The following MAGI1 variants were observed in gnomAD, a reference collection of about 807,000 sequenced individuals.
MAGI1 encodes the protein membrane associated guanylate kinase, WW and PDZ domain containing 1.
MAGI1 carries 58 observed loss-of-function variants against 139.9 expected under a neutral mutation model. The observed-to-expected ratio is 0.41, with a 90% CI of 0.34 to 0.52. The LOEUF (loss-of-function observed/expected upper bound fraction) is 0.52, where lower values mean the gene tolerates loss of function less well. Ranked by LOEUF, MAGI1 falls within the 20% of genes least tolerant of loss-of-function variation. MAGI1 has a pLI of 0.12. For missense variants in MAGI1, 1,874 were observed against 1,901.6 expected, an observed-to-expected ratio of 0.99 and a Z score of 0.27; for synonymous variants, 812 against 737.9, an observed-to-expected ratio of 1.10 and a Z score of -1.63.
At chr3:66,024,967 C>CT (rs2068168980) in intron 1 of MAGI1, among the ~76,000 whole-genome samples, 1 of 152,102 alleles carries the variant, frequency 6.6e-6, no homozygotes, top group African/African-American at 2.4e-5. Flanking sequence ...AATATATTCT[C>CT]TGGGGGGGTA....
chr3:65,691,312 A>AAAAAAAAAG (rs1376525361), intron 1 of MAGI1, among the ~76,000 whole-genome samples: 3 of 148,724 alleles, frequency 2.0e-5, no homozygotes, highest in African/African-American at 7.7e-5. Flanking sequence ...CAAAAAAAAA[A>AAAAAAAAAG]AAAGAAAAGA....
At chr3:65,866,180 C>G (rs2059717783) in intron 1 of MAGI1, among the ~76,000 whole-genome samples, 1 of 150,322 alleles carries the variant, frequency 6.7e-6, no homozygotes, top group Admixed American at 6.7e-5. Flanking sequence ...ATAACTGTGG[C>G]TGGGGGAATT....
chr3:65,629,638 T>G (rs2084172464), intron 1 of MAGI1, among the ~76,000 whole-genome samples: 1 of 152,014 alleles, frequency 6.6e-6, no homozygotes, highest in South Asian at 2.1e-4. Context: ...AATTATAAAT[T>G]GAAAAACAAA....
At chr3:65,737,370 T>C (rs1236338544) in intron 1 of MAGI1, among the ~76,000 whole-genome samples, 1 of 152,168 alleles carries the variant, frequency 6.6e-6, no homozygotes. Flanking sequence ...GATGGACAGA[T>C]GGATGGATGA....
In MAGI1 at chr3:65,478,844, TG is replaced by T. The variant is rs746317045; in HGVS notation, c.551-47del. On this transcript the variant is annotated intron_variant, in intron 3 of 22. Coordinates refer to ENST00000402939, the MANE Select transcript of MAGI1 (RefSeq NM_001033057.2). ...TTTGCATGTTTCAAAAGGAATACTT[TG>T]TGTTTTTTTTTAAGACTTCACATCC... The T allele has an allele frequency of 6.8e-6, 10 of 1,467,764 alleles. No individual in the cohort carries two copies. In the Admixed American group the frequency reaches 1.7e-4, roughly 26 times the overall value. The allele number at this position is 1,467,764 out of a possible 1,614,324, so 90.9% of individuals were successfully genotyped here. A position where few individuals can be genotyped will look rare whatever the true frequency, so the allele number is the denominator to read the frequency against.
At chr3:65,796,763 G>C (rs1419376792) in intron 1 of MAGI1, among the ~76,000 whole-genome samples, 1 of 152,160 alleles carries the variant, frequency 6.6e-6, no homozygotes, top group African/African-American at 2.4e-5. Flanking sequence ...TGGCATTGCA[G>C]ACCATATGCT....
At chr3:65,995,131 G>A (rs571180129) in intron 1 of MAGI1, among the ~76,000 whole-genome samples, 4 of 152,112 alleles carry the variant, frequency 2.6e-5, no homozygotes, top group Admixed American at 6.6e-5. Context: ...CATACTGCAG[G>A]CTCTAGAAAA....
chr3:65,526,635 C>T (rs1443851939), intron 2 of MAGI1, among the ~76,000 whole-genome samples: 1 of 152,186 alleles, frequency 6.6e-6, no homozygotes, highest in Non-Finnish European at 1.5e-5. Flanking sequence ...AAGCCCAATT[C>T]TCTCCTCACA....
intron 1 of MAGI1, among the ~76,000 whole-genome samples, chr3:65,737,588 G>T (rs2034879901): frequency 6.6e-6 from 1 of 152,180 alleles, no homozygotes; most frequent in Non-Finnish European, 1.5e-5. Context: ...AGCATGGCAG[G>T]TGGTAGCTCA....
chr3:65,930,426 G>A (rs1056338440), intron 1 of MAGI1, among the ~76,000 whole-genome samples: 5 of 150,620 alleles, frequency 3.3e-5, no homozygotes, highest in African/African-American at 9.8e-5. Flanking sequence ...AGATGGAGAC[G>A]TATTTATCAA....
intron 1 of MAGI1, among the ~76,000 whole-genome samples, chr3:65,663,321 C>T (rs73127894): frequency 0.18 from 27,294 of 152,010 alleles, 3,534 homozygotes; most frequent in African/African-American, 0.35. Flanking sequence ...GCTACAAAAA[C>T]GTCTAAAGTT....
chr3:65,950,067 C>CAAAAAAAAAAAAAAAA (rs61696952), intron 1 of MAGI1, among the ~76,000 whole-genome samples: 3 of 76,714 alleles, frequency 3.9e-5, no homozygotes, highest in African/African-American at 5.8e-5. Context: ...AACAAAAAAA[C>CAAAAAAAAAAAAAAAA]AAAAAAAAAA....
chr3:65,943,002 T>A (rs2063384570), intron 1 of MAGI1, among the ~76,000 whole-genome samples: 1 of 151,826 alleles, frequency 6.6e-6, no homozygotes, highest in South Asian at 2.1e-4. Flanking sequence ...GCCTGGGTGG[T>A]GGAGGGAGAC....
chr3:65,958,490 C>T (rs965458937), intron 1 of MAGI1, among the ~76,000 whole-genome samples: 1 of 152,158 alleles, frequency 6.6e-6, no homozygotes, highest in Non-Finnish European at 1.5e-5. Context: ...CATGCCTTGA[C>T]CGAAAATAGC....
rs368658566 is a variant in MAGI1, at chr3:65,950,723, G to C, written c.313+87273C>G. On this transcript the variant is annotated intron_variant, in intron 1 of 22. Coordinates refer to ENST00000402939, the MANE Select transcript of MAGI1 (RefSeq NM_001033057.2). ...ACAAAATGCTACCCCCCACTGGTCG[G>C]CAAAAGCCACCACTTAAATGGAAAA... Among the ~76,000 whole-genome samples the C allele has an allele frequency of 1.6e-4, 25 of 152,166 alleles. No homozygotes were observed. The East Asian group carries it at 4.3e-3, about 26-fold the overall frequency.
intron 1 of MAGI1, among the ~76,000 whole-genome samples, chr3:65,950,986 AG>A (rs1332300179): frequency 6.2e-5 from 6 of 96,686 alleles, no homozygotes; most frequent in African/African-American, 2.2e-4. Context: ...GAAGGAAGGA[AG>A]GAAGGAAGGA....
intron 2 of MAGI1, among the ~76,000 whole-genome samples, chr3:65,576,719 A>G (rs1462696643): frequency 6.6e-6 from 1 of 152,156 alleles, no homozygotes; most frequent in Non-Finnish European, 1.5e-5. Context: ...CTATTGACTA[A>G]GCTCAGGTCA....
intron 2 of MAGI1, among the ~76,000 whole-genome samples, chr3:65,534,643 G>A (rs2078870692): frequency 6.6e-6 from 1 of 152,204 alleles, no homozygotes; most frequent in Non-Finnish European, 1.5e-5. Context: ...ATCAGGAAGT[G>A]AGACCACAGT....
At chr3:65,990,602 G>A (rs1189617854) in intron 1 of MAGI1, among the ~76,000 whole-genome samples, 2 of 152,278 alleles carry the variant, frequency 1.3e-5, no homozygotes, top group African/African-American at 2.4e-5. Context: ...ACTATGATGA[G>A]CCTGAACCCA....
Sources: gnomAD v4.1 joint callset for allele counts (sites outside exome capture counted in the v4.1 genomes callset) on GRCh38, gnomAD v4.1.1 for gene constraint, MANE v1.5 for transcripts, NCBI Gene and HGNC (gene_info 2026-07-23, HGNC 2026-07-21) for gene names.